The following ACSS3 variants were observed in gnomAD, a reference collection of about 807,000 sequenced individuals.
ACSS3 encodes the protein acyl-CoA synthetase short chain family member 3.
Under a neutral mutation model 84.2 loss-of-function variants are expected in ACSS3, and 64 were observed. The ratio of observed to expected loss-of-function variants is 0.76; its 90% CI spans 0.62 to 0.94. The LOEUF is 0.94. Ranked by LOEUF, ACSS3 falls within the 40% of genes least tolerant of loss-of-function variation. ACSS3 has a pLI of 0.00. For synonymous variants in ACSS3, 317 were observed against 310.1 expected, an observed-to-expected ratio of 1.02 and a Z score of -0.23; for missense variants, 815 against 867.6, an observed-to-expected ratio of 0.94 and a Z score of 0.76.
At chr12:81,211,446 C>T (rs144814600) in intron 9 of ACSS3, among the ~76,000 whole-genome samples, 20 of 152,224 alleles carry the variant, frequency 1.3e-4, no homozygotes, top group African/African-American at 4.8e-4. Context: ...TTTATGCATG[C>T]TCACACTTAC....
chr12:81,221,547 T>G (rs2033109519), intron 11 of ACSS3, among the ~76,000 whole-genome samples: 1 of 152,120 alleles, frequency 6.6e-6, no homozygotes, highest in South Asian at 2.1e-4. Context: ...ATGTAATTCT[T>G]CTCATGCTTT....
chr12:81,144,415 C>T (rs1886229020), intron 5 of ACSS3, among the ~76,000 whole-genome samples: 1 of 152,138 alleles, frequency 6.6e-6, no homozygotes, highest in Non-Finnish European at 1.5e-5. Context: ...AAAAATATTT[C>T]TGCATATTGA....
rs368256448 is a variant in ACSS3 at position 81,100,648 on chromosome 12, A to G, written c.312-8912A>G. On this transcript the variant is annotated intron_variant, in intron 1 of 15. Coordinates refer to ENST00000548058, the MANE Select transcript of ACSS3 (RefSeq NM_024560.4). ...GGCTATGCTGCAGAAATAACCCCCA[A>G]ATCTTCCTAGTACATCATAGCCCAG... Among the ~76,000 whole-genome samples, 11 of 152,266 alleles carry G rather than the reference A, an allele frequency of 7.2e-5. No individual in the cohort carries two copies. The East Asian group carries it at 7.7e-4, about 11-fold the overall frequency.
chr12:81,186,034 A>G (rs1222728135), intron 8 of ACSS3, among the ~76,000 whole-genome samples: 1 of 151,764 alleles, frequency 6.6e-6, no homozygotes, highest in Non-Finnish European at 1.5e-5. Flanking sequence ...GGCACAGGAC[A>G]GAGACCCCAG....
At chr12:81,245,762 C>T (rs898122122) in intron 13 of ACSS3, among the ~76,000 whole-genome samples, 13 of 152,134 alleles carry the variant, frequency 8.5e-5, no homozygotes, top group African/African-American at 3.1e-4. Flanking sequence ...TCCTCTCTGA[C>T]AAATCTAAGA....
chr12:81,223,145 T>C (rs980503219), intron 11 of ACSS3, among the ~76,000 whole-genome samples: 2 of 152,098 alleles, frequency 1.3e-5, no homozygotes, highest in African/African-American at 4.8e-5. Context: ...CTCACTGTTA[T>C]TAAAGCCATA....
chr12:81,210,226 T>A (rs961764439), intron 9 of ACSS3, among the ~76,000 whole-genome samples: 1 of 152,182 alleles, frequency 6.6e-6, no homozygotes, highest in East Asian at 1.9e-4. Context: ...CTAAGGGTCG[T>A]AGACAGATTA....
At chr12:81,209,388 T>TA (rs5799519) in intron 9 of ACSS3, among the ~76,000 whole-genome samples, 4,009 of 145,820 alleles carry the variant, frequency 0.027, 172 homozygotes, top group African/African-American at 0.095. Context: ...TATTGCTATG[T>TA]AAAAAAAAAA....
chr12:81,176,643 C>G (rs1422257965), intron 8 of ACSS3, among the ~76,000 whole-genome samples: 1 of 151,406 alleles, frequency 6.6e-6, no homozygotes, highest in African/African-American at 2.4e-5. Flanking sequence ...CCTTAATGAA[C>G]CAATAAGGAG....
intron 9 of ACSS3, among the ~76,000 whole-genome samples, chr12:81,207,267 G>A (rs1413458185): frequency 2.0e-5 from 3 of 152,160 alleles, no homozygotes; most frequent in South Asian, 2.1e-4. Flanking sequence ...CCTGATACAC[G>A]TAAACCCCTG....
At chr12:81,120,435 C>A (rs1474454970) in intron 2 of ACSS3, among the ~76,000 whole-genome samples, 1 of 152,078 alleles carries the variant, frequency 6.6e-6, no homozygotes, top group Non-Finnish European at 1.5e-5. Flanking sequence ...TTTTCTGTTT[C>A]TGACCTTTAA....
intron 8 of ACSS3, among the ~76,000 whole-genome samples, chr12:81,192,314 A>G (rs1218136769): frequency 1.3e-5 from 2 of 152,154 alleles, no homozygotes; most frequent in Non-Finnish European, 2.9e-5. Context: ...CTGGGAGGCA[A>G]GGTTATAGTA....
At chr12:81,235,850 T>C (rs2033614975) in intron 13 of ACSS3, among the ~76,000 whole-genome samples, 1 of 151,548 alleles carries the variant, frequency 6.6e-6, no homozygotes, top group Non-Finnish European at 1.5e-5. Flanking sequence ...ACTTGCTTGC[T>C]AGCTCTAGCG....
chr12:81,091,952 C>T (rs1444193201), intron 1 of ACSS3, among the ~76,000 whole-genome samples: 1 of 152,002 alleles, frequency 6.6e-6, no homozygotes, highest in African/African-American at 2.4e-5. Flanking sequence ...GATAGCAGAT[C>T]TAGGATGAAA....
intron 13 of ACSS3, among the ~76,000 whole-genome samples, chr12:81,251,165 T>C (rs1337043250): frequency 3.9e-5 from 6 of 152,130 alleles, no homozygotes; most frequent in Non-Finnish European, 8.8e-5. Flanking sequence ...AATTATAACA[T>C]TCTGGAAAAG....
chr12:81,198,599 A>T (rs1187542768), intron 8 of ACSS3, among the ~76,000 whole-genome samples: 1 of 151,576 alleles, frequency 6.6e-6, no homozygotes. Flanking sequence ...AAATGAAAAA[A>T]AAAAAACCCA....
intron 7 of ACSS3, among the ~76,000 whole-genome samples, chr12:81,159,731 A>G (rs977002280): frequency 3.9e-5 from 6 of 152,252 alleles, no homozygotes; most frequent in Non-Finnish European, 8.8e-5. Context: ...ATCTTTTCAC[A>G]TAGGAATGCA....
At chr12:81,232,762 C>G (rs1316316896) in intron 12 of ACSS3, among the ~76,000 whole-genome samples, 1 of 151,668 alleles carries the variant, frequency 6.6e-6, no homozygotes, top group Non-Finnish European at 1.5e-5. Context: ...AACTCAGAAG[C>G]ATTAGGAAAA....
chr12:81,131,261 A>G (rs532268241), intron 2 of ACSS3, among the ~76,000 whole-genome samples: 1 of 152,336 alleles, frequency 6.6e-6, no homozygotes, highest in African/African-American at 2.4e-5. Flanking sequence ...ATCCATGAGC[A>G]TGGAGTGTTC....
Sources: gnomAD v4.1 joint callset for allele counts (sites outside exome capture counted in the v4.1 genomes callset) on GRCh38, gnomAD v4.1.1 for gene constraint, MANE v1.5 for transcripts, NCBI Gene and HGNC (gene_info 2026-07-23, HGNC 2026-07-21) for gene names.